The following LZIC variants were observed in gnomAD, a reference collection of about 807,000 sequenced individuals.
LZIC encodes the protein leucine zipper and CTNNBIP1 domain containing.
LZIC carries 28 observed loss-of-function variants against 25.4 expected under a neutral mutation model. The ratio of observed to expected loss-of-function variants is 1.10; its 90% confidence interval spans 0.82 to 1.51. The LOEUF is 1.51. Ranked by LOEUF, LZIC falls within the 40% of genes most tolerant of loss-of-function variation. The pLI is 0.00. For synonymous variants in LZIC, 65 were observed against 70.7 expected (o/e 0.92, Z 0.40); for missense variants, 170 against 211.1 (o/e 0.81, Z 1.21).
Position 9,928,690 on chromosome 1 carries a change from A to G in LZIC, c.*1709T>C. Among the ~76,000 whole-genome samples, 1 of 152,108 alleles carries G rather than the reference A, an allele frequency of 6.6e-6. No homozygotes were observed. Reference sequence around the variant, plus strand: ...TCAGCTCAGGACCAGCTGGGCCAACATGGTGAAACCCTGTCTCTATACTAA... The same window carrying G: ...TCAGCTCAGGACCAGCTGGGCCAACGTGGTGAAACCCTGTCTCTATACTAA... On this transcript the variant is annotated 3_prime_UTR_variant, in exon 8 of 8. Coordinates refer to ENST00000377223, the MANE Select transcript of LZIC (RefSeq NM_032368.5).
At chr1:9,931,445 G>A (rs1004858203) in intron 7 of LZIC, among the ~76,000 whole-genome samples, 3 of 152,034 alleles carry the variant, frequency 2.0e-5, no homozygotes, top group South Asian at 2.1e-4. Flanking sequence ...TGTGTTTTTC[G>A]TAGAGACAGG....
At chr1:9,940,584 C>T (rs1640668717) in intron 2 of LZIC, among the ~76,000 whole-genome samples, 1 of 152,178 alleles carries the variant, frequency 6.6e-6, no homozygotes, top group African/African-American at 2.4e-5. Flanking sequence ...TCCCAAAGTG[C>T]TGGGGTTACA....
chr1:9,928,019 G>A lies in LZIC; in HGVS notation c.*2380C>T, dbSNP rs1230011520. Among the ~76,000 whole-genome samples the A allele has an allele frequency of 6.6e-6, 1 of 152,092 alleles. No individual in the cohort carries two copies. The highest frequency in any genetic ancestry group is 1.9e-4 in the East Asian group (1 of 5,180). On this transcript the variant is annotated 3_prime_UTR_variant, in exon 8 of 8. Transcript: ENST00000377223. ...CTTAAAAAACAAACGTAGGCTGGGT[G>A]TGGTGGCTCAGGCCGGGTATGGTGG...
rs1640695878 is a variant in LZIC at position 9,940,949 on chromosome 1, G to C, written c.-9+1675C>G. ...GTCAAGGCAAACCCAAGATGTAACT[G>C]ACAATGTCTTTTCAGAGTTAGTTTC... is the stretch of plus-strand genomic sequence containing the variant. On this transcript the variant is annotated intron_variant, in intron 2 of 7. Transcript: ENST00000377223. 2.6e-5 allele frequency among the ~76,000 whole-genome samples: 4 copies of C among 152,284 alleles called. No individual in the cohort carries two copies. The Middle Eastern group carries it at 0.014, about 518-fold the overall frequency.
At chr1:9,925,157 CAA>C (rs35578033), downstream of LZIC, among the ~76,000 whole-genome samples, 3,034 of 101,286 alleles carry the variant, frequency 0.03, 91 homozygotes, top group African/African-American at 0.085. Context: ...ACTAAAAATA[CAA>C]AAAAAAAAAA....
chr1:9,936,877 A>G (rs1006284834), intron 2 of LZIC, among the ~76,000 whole-genome samples: 9 of 152,204 alleles, frequency 5.9e-5, no homozygotes, highest in African/African-American at 2.2e-4. Flanking sequence ...CAGGCCTGTA[A>G]TCCCAGCACT....
intron 2 of LZIC, among the ~76,000 whole-genome samples, chr1:9,942,279 A>G (rs1270415972): frequency 6.6e-6 from 1 of 152,196 alleles, no homozygotes; most frequent in African/African-American, 2.4e-5. Flanking sequence ...TTATTATAAT[A>G]CGTTATCTCC....
Position 9,930,359 on chromosome 1 carries a change from CATT to C in LZIC, c.*37_*39del, listed in dbSNP as rs754311665. On this transcript the variant is annotated 3_prime_UTR_variant, in exon 8 of 8. Coordinates refer to ENST00000377223, the MANE Select transcript of LZIC (RefSeq NM_032368.5). ...AACCCCAGAAGAAAGACACCATTTA[CATT>C]AAGAATGTGATCAATGTTACAAGCT... 2 of 1,603,380 alleles carry C rather than the reference CATT, an allele frequency of 1.2e-6. No homozygotes were observed. Among genetic ancestry groups the C allele is most frequent in the Non-Finnish European group, 1.7e-6 (2 of 1,175,500 alleles).
At chr1:9,923,271 T>C (rs1660723), downstream of LZIC, among the ~76,000 whole-genome samples, 146,830 of 152,258 alleles carry the variant, frequency 0.96, 71,014 homozygotes, top group East Asian at 1. Context: ...CACTGAGGTA[T>C]GATCTTGGCT....
chr1:9,936,417 T>C, intron 3 of LZIC, 102 bp downstream of exon 3: 1 of 758,996 alleles, frequency 1.3e-6, no homozygotes, highest in Admixed American at 2.0e-5. Flanking sequence ...CAAAGAACAC[T>C]ACAGGGGAAT....
At chr1:9,942,944 C>A in intron 1 of LZIC, 162 bp from the exon 2 acceptor site, 1 of 354,126 alleles carries the variant, frequency 2.8e-6, no homozygotes, top group Non-Finnish European at 5.6e-6. Context: ...TTCTTCCTAG[C>A]GAGGCCGAGA....
rs141215968 is a variant in LZIC, at chr1:9,928,086, G to A, written c.*2313C>T. ...TCCCAGCACTCTGGGAGGTTGAGGC[G>A]GGTGGATCACCTAAGGTCAGGAGTT... On this transcript the variant is annotated 3_prime_UTR_variant, in exon 8 of 8. Coordinates refer to ENST00000377223, the MANE Select transcript of LZIC (RefSeq NM_032368.5). 2.0e-3 allele frequency among the ~76,000 whole-genome samples: 302 copies of A among 152,144 alleles called. No homozygotes were observed. The highest frequency in any genetic ancestry group is 7.1e-3 in the African/African-American group (293 of 41,522).
At chr1:9,923,571 C>T (rs1335191174), downstream of LZIC, among the ~76,000 whole-genome samples, 1 of 131,716 alleles carries the variant, frequency 7.6e-6, no homozygotes, top group Non-Finnish European at 1.5e-5. Context: ...ACTATAATGC[C>T]TAGGCTGGAC....
intron 5 of LZIC, among the ~76,000 whole-genome samples, chr1:9,933,883 G>A (rs1640342088): frequency 6.6e-6 from 1 of 150,538 alleles, no homozygotes; most frequent in Admixed American, 6.8e-5. Context: ...GAGCCTGGGT[G>A]ACAAAGTAAG....
At chr1:9,924,671 T>G (rs1639937019), downstream of LZIC, among the ~76,000 whole-genome samples, 1 of 152,146 alleles carries the variant, frequency 6.6e-6, no homozygotes. Flanking sequence ...TGTGTTTTTT[T>G]GTAGAGATGG....
chr1:9,936,118 G>C (rs2101600500), intron 3 of LZIC, among the ~76,000 whole-genome samples: 1 of 116,136 alleles, frequency 8.6e-6, no homozygotes, highest in South Asian at 2.8e-4. Flanking sequence ...AATACAGCAA[G>C]ACTCTGTCTC....
At chr1:9,940,317 T>C (rs927677829) in intron 2 of LZIC, among the ~76,000 whole-genome samples, 13 of 152,046 alleles carry the variant, frequency 8.6e-5, no homozygotes, top group African/African-American at 2.6e-4. Flanking sequence ...GCTAGGACTA[T>C]AGGCACCCGC....
downstream of LZIC, among the ~76,000 whole-genome samples, chr1:9,924,751 TG>T (rs1639938628): frequency 6.6e-6 from 1 of 152,170 alleles, no homozygotes; most frequent in Admixed American, 6.6e-5. Context: ...GAAGGAATAA[TG>T]TTGGGGAAAA....
At chr1:9,935,342 C>T (rs113815594) in intron 4 of LZIC, 150 bp downstream of exon 4, 4 of 680,472 alleles carry the variant, frequency 5.9e-6, no homozygotes, top group South Asian at 2.0e-5. Context: ...TAAGGAGAAT[C>T]GCTTGAACCT....
Sources: allele counts gnomAD v4.1 joint callset (sites outside exome capture counted in the v4.1 genomes callset), GRCh38; gene constraint gnomAD v4.1.1; transcripts MANE v1.5; gene names NCBI Gene and HGNC (gene_info 2026-07-23, HGNC 2026-07-21).